MARCHF1: variants seen among roughly 807,000 people sequenced by gnomAD.
MARCHF1 encodes the protein E3 ubiquitin-protein ligase MARCHF1.
In MARCHF1, 40 loss-of-function variants were observed where a neutral mutation model predicts 54.2. The ratio of observed to expected loss-of-function variants is 0.74; its 90% CI spans 0.57 to 0.96. The LOEUF is 0.96. Among genes scored for constraint, MARCHF1 ranks in the 40% least tolerant of loss-of-function variants. MARCHF1 has a pLI of 0.00. For synonymous variants in MARCHF1, 236 were observed against 236.3 expected, an observed-to-expected ratio of 1.00 and a Z score of 0.01; for missense variants, 586 against 656.5, an observed-to-expected ratio of 0.89 and a Z score of 1.17.
chr4:163,579,212 T>C lies in MARCHF1; in HGVS notation c.1191+6537A>G, dbSNP rs74339846. ...ACTTATACTTTTCATCTCATAATTA[T>C]TTGATACATGTTGGCATTGTAATCT... is the stretch of plus-strand genomic sequence containing the variant. On this transcript the variant is annotated intron_variant, in intron 8 of 9. Transcript: ENST00000514618. Among the ~76,000 whole-genome samples, 891 of 152,342 alleles carry C rather than the reference T, an allele frequency of 5.8e-3. 8 individuals are homozygous for C. Among genetic ancestry groups the C allele is most frequent in the African/African-American group, 0.02 (849 of 41,576 alleles).
At chr4:163,630,582 C>G (rs1742038598) in intron 5 of MARCHF1, among the ~76,000 whole-genome samples, 1 of 152,114 alleles carries the variant, frequency 6.6e-6, no homozygotes, top group Admixed American at 6.5e-5. Flanking sequence ...ACTTAAAGTA[C>G]TTTAAATTTC....
At chr4:164,153,215 T>C (rs1019214592) in intron 1 of MARCHF1, among the ~76,000 whole-genome samples, 5 of 152,102 alleles carry the variant, frequency 3.3e-5, no homozygotes, top group Non-Finnish European at 7.4e-5. Context: ...AAATCTTCAC[T>C]AACCATCAAC....
intron 1 of MARCHF1, among the ~76,000 whole-genome samples, chr4:164,358,903 C>A (rs1200634323): frequency 2.6e-5 from 4 of 152,080 alleles, no homozygotes; most frequent in African/African-American, 9.6e-5. Context: ...TTAAAAGACG[C>A]TCCAAAGGTC....
At chr4:163,638,206 A>C (rs182324376) in intron 5 of MARCHF1, among the ~76,000 whole-genome samples, 1,626 of 151,360 alleles carry the variant, frequency 0.011, 22 homozygotes, top group African/African-American at 0.037. Flanking sequence ...ACTAACCAGC[A>C]CAATGTGCAC....
chr4:164,162,024 A>G (rs1382891945), intron 1 of MARCHF1, among the ~76,000 whole-genome samples: 1 of 152,180 alleles, frequency 6.6e-6, no homozygotes, highest in African/African-American at 2.4e-5. Context: ...AGCACAGAAC[A>G]CTAAAAGAAA....
At chr4:163,712,181 G>T (rs1745126225) in intron 4 of MARCHF1, among the ~76,000 whole-genome samples, 1 of 152,104 alleles carries the variant, frequency 6.6e-6, no homozygotes, top group Admixed American at 6.6e-5. Flanking sequence ...TTTTCATCCT[G>T]CATGCTATTA....
intron 3 of MARCHF1, among the ~76,000 whole-genome samples, chr4:163,861,962 A>G (rs1399063898): frequency 1.3e-5 from 2 of 152,130 alleles, no homozygotes; most frequent in Non-Finnish European, 2.9e-5. Flanking sequence ...AATCAATTCA[A>G]GAGAAAGACT....
rs985325097 is a variant in MARCHF1, at chr4:163,739,897, G to T, written c.112-39034C>A. ...TTTCCTCATTACACACCTTACAGTG[G>T]AGTATAATTCTCTTTGAGAGGGCAT... On this transcript the variant is annotated intron_variant, in intron 4 of 9. Coordinates refer to ENST00000514618, the MANE Select transcript of MARCHF1 (RefSeq NM_001394959.1). 1.4e-4 allele frequency among the ~76,000 whole-genome samples: 21 copies of T among 152,110 alleles called. 1 individual carries two copies. The highest frequency in any genetic ancestry group is 1.2e-3 in the Admixed American group (19 of 15,268).
At chr4:163,982,686 G>C (rs943081190) in intron 3 of MARCHF1, among the ~76,000 whole-genome samples, 4 of 152,156 alleles carry the variant, frequency 2.6e-5, no homozygotes, top group Non-Finnish European at 4.4e-5. Context: ...ATTACCCAGA[G>C]TCTATTTTTT....
intron 1 of MARCHF1, among the ~76,000 whole-genome samples, chr4:164,218,124 ACT>A (rs888998278): frequency 8.5e-5 from 13 of 152,086 alleles, no homozygotes; most frequent in Admixed American, 2.6e-4. Context: ...TAAAACTATA[ACT>A]CTTGGGAGAG....
chr4:164,231,477 T>G (rs1732412346), intron 1 of MARCHF1, among the ~76,000 whole-genome samples: 1 of 152,194 alleles, frequency 6.6e-6, no homozygotes. Flanking sequence ...AAATCTAGTG[T>G]GTAAATTGTT....
chr4:163,699,057 G>A (rs1242170958), intron 5 of MARCHF1, among the ~76,000 whole-genome samples: 1 of 152,140 alleles, frequency 6.6e-6, no homozygotes, highest in African/African-American at 2.4e-5. Flanking sequence ...CATGTAAGTC[G>A]GAAGCGACAC....
At chr4:164,343,093 A>AT (rs888430188) in intron 1 of MARCHF1, among the ~76,000 whole-genome samples, 11 of 152,078 alleles carry the variant, frequency 7.2e-5, no homozygotes, top group African/African-American at 2.7e-4. Flanking sequence ...ATAATAATGT[A>AT]TTTTTTACTT....
intron 8 of MARCHF1, among the ~76,000 whole-genome samples, chr4:163,582,348 C>T (rs560431692): frequency 1.3e-5 from 2 of 152,098 alleles, no homozygotes; most frequent in African/African-American, 2.4e-5. Context: ...CTTGGATAAG[C>T]GCTTGATTTT....
chr4:164,381,647 C>T (rs975210258), intron 1 of MARCHF1, among the ~76,000 whole-genome samples: 1 of 152,118 alleles, frequency 6.6e-6, no homozygotes, highest in Non-Finnish European at 1.5e-5. Context: ...CAGAGTTATA[C>T]ACATATTGTA....
chr4:163,635,907 G>A (rs1403776834), intron 5 of MARCHF1, among the ~76,000 whole-genome samples: 1 of 152,126 alleles, frequency 6.6e-6, no homozygotes, highest in African/African-American at 2.4e-5. Flanking sequence ...TGATCAAGTG[G>A]GCTTCATCCC....
intron 2 of MARCHF1, among the ~76,000 whole-genome samples, chr4:164,024,205 A>G (rs1029453593): frequency 3.3e-5 from 5 of 152,116 alleles, no homozygotes; most frequent in Non-Finnish European, 5.9e-5. Context: ...CTCACTACAG[A>G]GCTTGACATA....
At chr4:164,330,821 GA>G (rs1198664259) in intron 1 of MARCHF1, among the ~76,000 whole-genome samples, 1 of 152,088 alleles carries the variant, frequency 6.6e-6, no homozygotes, top group Non-Finnish European at 1.5e-5. Context: ...CACATTTTTT[GA>G]AACGAAGCTG....
intron 4 of MARCHF1, among the ~76,000 whole-genome samples, chr4:163,832,976 A>G (rs1046858858): frequency 1.3e-5 from 2 of 152,032 alleles, no homozygotes; most frequent in African/African-American, 4.8e-5. Context: ...ACATTTTCTT[A>G]ATCCAGTCTA....
Sources: allele counts gnomAD v4.1 joint callset (sites outside exome capture counted in the v4.1 genomes callset), GRCh38; gene constraint gnomAD v4.1.1; transcripts MANE v1.5; gene names NCBI Gene and HGNC (gene_info 2026-07-23, HGNC 2026-07-21).